Variants in SH3RF2 observed in about 807,000 individuals in gnomAD.
The protein encoded by SH3RF2 is E3 ubiquitin-protein ligase SH3RF2.
In SH3RF2, 43 loss-of-function variants were observed where a neutral mutation model predicts 59.0. That is an observed-to-expected ratio of 0.73 (90% confidence interval 0.57 to 0.94). The LOEUF is 0.94. Among genes scored for constraint, SH3RF2 ranks in the 40% least tolerant of loss-of-function variants. The pLI, the probability that SH3RF2 is intolerant of heterozygous loss-of-function variation, is 0.00. For synonymous variants in SH3RF2, 391 were observed against 391.5 expected, an observed-to-expected ratio of 1.00 and a Z score of 0.01; for missense variants, 930 against 940.1, an observed-to-expected ratio of 0.99 and a Z score of 0.14.
intron 3 of SH3RF2, among the ~76,000 whole-genome samples, chr5:146,001,095 A>C (rs1580840594): frequency 6.6e-6 from 1 of 152,228 alleles, no homozygotes; most frequent in Non-Finnish European, 1.5e-5. Context: ...ATATTTTTCA[A>C]ACATTAATTA....
chr5:145,963,200 T>C lies in SH3RF2; in HGVS notation c.378+24894T>C, dbSNP rs186450303. On this transcript the variant is annotated intron_variant, in intron 2 of 9. Coordinates refer to ENST00000359120, the MANE Select transcript of SH3RF2 (RefSeq NM_152550.4). ...GTACAAGCCACCACACCCAGCCTTA[T>C]TCCACTTTTTTTTAATAGCTTGCAC... Among the ~76,000 whole-genome samples, 16 of 152,222 alleles carry C rather than the reference T, an allele frequency of 1.1e-4. No homozygotes were observed. The East Asian group carries it at 1.9e-3, about 18-fold the overall frequency.
chr5:145,975,726 C>T (rs76338221), intron 2 of SH3RF2, among the ~76,000 whole-genome samples: 110 of 152,362 alleles, frequency 7.2e-4, no homozygotes, highest in African/African-American at 2.5e-3. Context: ...CCACTGGACC[C>T]TTGGCAGAGA....
At chr5:145,941,813 G>A (rs1471361684) in intron 2 of SH3RF2, among the ~76,000 whole-genome samples, 1 of 152,172 alleles carries the variant, frequency 6.6e-6, no homozygotes, top group East Asian at 1.9e-4. Context: ...TCAGAGGGTT[G>A]TTGTGAGAAA....
chr5:146,059,124 G>A (rs1762787269), intron 8 of SH3RF2, among the ~76,000 whole-genome samples: 1 of 152,186 alleles, frequency 6.6e-6, no homozygotes. Flanking sequence ...GGTGCAGAGA[G>A]GTGACGTGAC....
At chr5:146,070,591 T>C (rs76501069) in intron 9 of SH3RF2, among the ~76,000 whole-genome samples, 3 of 152,296 alleles carry the variant, frequency 2.0e-5, no homozygotes, top group African/African-American at 7.2e-5. Flanking sequence ...CATGAGATTA[T>C]TTCTGGTTTT....
intron 5 of SH3RF2, among the ~76,000 whole-genome samples, chr5:146,014,268 C>A (rs1005713296): frequency 2.0e-5 from 3 of 152,130 alleles, no homozygotes; most frequent in African/African-American, 7.2e-5. Context: ...TTACTATTAT[C>A]CCCATTTTAC....
Position 146,000,199 on chromosome 5 carries a change from T to G in SH3RF2, c.520T>G (p.Phe174Val), listed in dbSNP as rs34942619. 1.2e-3 allele frequency: 1,987 copies of G among 1,613,552 alleles called. 26 individuals are homozygous for G. In the African/African-American group the frequency reaches 0.023, roughly 19 times the overall value. Residue 174 changes from phenylalanine (F) to valine (V), a missense_variant, in exon 3 of 10, where the codon TTC becomes GTC. Transcript: ENST00000359120. ...GGAAATCAATGGCATCAGCGGGAAC[T>G]TCCCAGCCAGCTCCGTGGAAGTCAT... The part of the protein sequence containing the change: ...QGEINGISGN[F>V]PASSVEVIKQ...
At chr5:146,010,749 G>C (rs1032456542) in intron 4 of SH3RF2, among the ~76,000 whole-genome samples, 3 of 152,052 alleles carry the variant, frequency 2.0e-5, no homozygotes, top group Admixed American at 2.0e-4. Flanking sequence ...TTGTAAATTT[G>C]TTTGAGTTCA....
intron 3 of SH3RF2, among the ~76,000 whole-genome samples, chr5:146,000,632 T>C: frequency 6.6e-6 from 1 of 152,088 alleles, no homozygotes; most frequent in East Asian, 1.9e-4. Flanking sequence ...TATTCACTCA[T>C]TCATTCATTC....
chr5:146,037,838 G>C (rs1436657656), intron 5 of SH3RF2, among the ~76,000 whole-genome samples: 4 of 152,140 alleles, frequency 2.6e-5, no homozygotes, highest in Admixed American at 2.0e-4. Context: ...ATAAGATTAG[G>C]ATAGCCTTAC....
At chr5:146,064,866 G>GAAAGAAAGAAAGAA (rs1561773964), downstream of SH3RF2, among the ~76,000 whole-genome samples, 5 of 83,984 alleles carry the variant, frequency 6.0e-5, no homozygotes, top group Admixed American at 2.4e-4. Context: ...GAAAGAAAGA[G>GAAAGAAAGAAAGAA]AAAGAAAAAG....
chr5:145,960,118 T>C (rs1758576571), intron 2 of SH3RF2, among the ~76,000 whole-genome samples: 1 of 152,176 alleles, frequency 6.6e-6, no homozygotes, highest in Admixed American at 6.5e-5. Flanking sequence ...GCAGTAGTGA[T>C]CATTGCCCGC....
At chr5:145,973,375 C>T (rs769597915) in intron 2 of SH3RF2, among the ~76,000 whole-genome samples, 6 of 152,134 alleles carry the variant, frequency 3.9e-5, no homozygotes, top group Admixed American at 6.5e-5. Flanking sequence ...GCATTTTCAA[C>T]GGTATCTTCC....
intron 2 of SH3RF2, among the ~76,000 whole-genome samples, chr5:145,958,366 CAA>C (rs1161236925): frequency 6.6e-6 from 1 of 152,106 alleles, no homozygotes; most frequent in Non-Finnish European, 1.5e-5. Context: ...GCAGTCAGGC[CAA>C]TATTCTTAGG....
intron 5 of SH3RF2, among the ~76,000 whole-genome samples, chr5:146,025,670 A>T (rs758388352): frequency 1.3e-5 from 2 of 152,208 alleles, no homozygotes; most frequent in African/African-American, 2.4e-5. Flanking sequence ...GACTGCTGGA[A>T]ACTAAATACT....
intron 6 of SH3RF2, among the ~76,000 whole-genome samples, 159 bp from the exon 7 acceptor site, chr5:146,048,916 C>T (rs1039625053): frequency 4.6e-5 from 7 of 152,286 alleles, no homozygotes; most frequent in East Asian, 1.9e-4. Flanking sequence ...CTTGGCCTCC[C>T]GAACTGCTGG....
chr5:146,006,688 G>A (rs1045157707), intron 4 of SH3RF2, among the ~76,000 whole-genome samples: 2 of 152,192 alleles, frequency 1.3e-5, no homozygotes, highest in Non-Finnish European at 2.9e-5. Context: ...ACAGATCACA[G>A]AGGACTTCAT....
At chr5:145,965,448 C>T (rs1372417398) in intron 2 of SH3RF2, among the ~76,000 whole-genome samples, 2 of 151,692 alleles carry the variant, frequency 1.3e-5, no homozygotes, top group African/African-American at 4.8e-5. Flanking sequence ...GAGCCATCAT[C>T]TTTTTTTTGC....
At chr5:145,988,463 A>G (rs946460044) in intron 2 of SH3RF2, among the ~76,000 whole-genome samples, 6 of 152,146 alleles carry the variant, frequency 3.9e-5, no homozygotes, top group Non-Finnish European at 8.8e-5. Context: ...AGTTTGCTGC[A>G]CAGGGAAATA....
Sources: allele counts gnomAD v4.1 joint callset (sites outside exome capture counted in the v4.1 genomes callset), GRCh38; gene constraint gnomAD v4.1.1; transcripts MANE v1.5; gene names NCBI Gene and HGNC (gene_info 2026-07-23, HGNC 2026-07-21).